The following SPATA6 variants were observed in gnomAD, a reference collection of about 807,000 sequenced individuals.
SPATA6 encodes the protein spermatogenesis associated 6, also known as spermatogenesis-associated protein 6.
Under a neutral mutation model 65.3 loss-of-function variants are expected in SPATA6, and 56 were observed. That is an observed-to-expected ratio of 0.86 (90% CI 0.69 to 1.07). The LOEUF (loss-of-function observed/expected upper bound fraction) is 1.07, where lower values mean the gene tolerates loss of function less well. SPATA6 is among the 50% of genes least tolerant of loss of function. The pLI is 0.00. For missense variants in SPATA6, 590 were observed against 594.8 expected (o/e 0.99, Z 0.08); for synonymous variants, 199 against 213.2 (o/e 0.93, Z 0.58).
intron 9 of SPATA6, among the ~76,000 whole-genome samples, chr1:48,362,850 A>G (rs1256577490): frequency 2.0e-5 from 3 of 152,140 alleles, no homozygotes; most frequent in Non-Finnish European, 4.4e-5. Flanking sequence ...ATACAAATGT[A>G]ATAGAGAATA....
intron 1 of SPATA6, among the ~76,000 whole-genome samples, chr1:48,464,598 C>T (rs1338315): frequency 0.31 from 47,350 of 152,090 alleles, 9,032 homozygotes; most frequent in Middle Eastern, 0.43. Context: ...GAAAAAAGGG[C>T]TATTGCCTCA....
At chr1:48,337,394 A>G (rs1646089074) in intron 11 of SPATA6, among the ~76,000 whole-genome samples, 2 of 151,992 alleles carry the variant, frequency 1.3e-5, no homozygotes, top group South Asian at 4.1e-4. Context: ...GAATACCCAC[A>G]AGAAATCTAC....
At chr1:48,349,541 T>G (rs1311010447) in intron 11 of SPATA6, among the ~76,000 whole-genome samples, 1 of 151,936 alleles carries the variant, frequency 6.6e-6, no homozygotes, top group Non-Finnish European at 1.5e-5. Context: ...TTAACTCTGA[T>G]GTACATATCT....
intron 9 of SPATA6, among the ~76,000 whole-genome samples, chr1:48,376,853 G>T (rs1040272324): frequency 6.6e-6 from 1 of 152,034 alleles, no homozygotes; most frequent in African/African-American, 2.4e-5. Flanking sequence ...ACTGAATGCT[G>T]TAAGCAATTT....
chr1:48,360,845 A>C (rs1176881147), intron 9 of SPATA6, among the ~76,000 whole-genome samples: 3 of 152,160 alleles, frequency 2.0e-5, no homozygotes, highest in Admixed American at 6.6e-5. Flanking sequence ...TCAGATTCAC[A>C]ATATATTTAG....
rs944550739 is a variant in SPATA6 at position 48,295,829 on chromosome 1, C to T, written c.*2884G>A. ...AATCTTTGGAAATCAGAAAACAACT[C>T]TGCCTGCCTAGGACTTCCTGATCGT... On this transcript the variant is annotated 3_prime_UTR_variant, in exon 13 of 13. Transcript: ENST00000371847. 3 of 152,120 alleles carry T rather than the reference C, an allele frequency of 2.0e-5. No individual in the cohort carries two copies. The highest frequency in any genetic ancestry group is 7.2e-5 in the African/African-American group (3 of 41,442). 9.4% of individuals were successfully genotyped at this position (152,120 alleles called of 1,614,324 possible).
At chr1:48,318,529 A>G (rs1645505844) in intron 11 of SPATA6, among the ~76,000 whole-genome samples, 1 of 152,204 alleles carries the variant, frequency 6.6e-6, no homozygotes, top group Admixed American at 6.5e-5. Context: ...GTAAAATAGC[A>G]TCAAAAATAA....
intron 9 of SPATA6, among the ~76,000 whole-genome samples, chr1:48,381,253 A>T (rs932132809): frequency 1.3e-5 from 2 of 152,104 alleles, no homozygotes; most frequent in South Asian, 2.1e-4. Flanking sequence ...CTATCTATAT[A>T]AGTGTTATAT....
At chr1:48,308,865 C>CTT (rs1247404349) in intron 11 of SPATA6, among the ~76,000 whole-genome samples, 2 of 152,068 alleles carry the variant, frequency 1.3e-5, no homozygotes, top group Non-Finnish European at 2.9e-5. Context: ...TTAAGATTCT[C>CTT]TTTTTGACTC....
At chr1:48,393,630 T>C (rs75765016) in intron 8 of SPATA6, among the ~76,000 whole-genome samples, 1 of 152,124 alleles carries the variant, frequency 6.6e-6, no homozygotes, top group East Asian at 1.9e-4. Context: ...TAAAATATTG[T>C]CTGAATTAGT....
intron 11 of SPATA6, among the ~76,000 whole-genome samples, chr1:48,323,416 C>T (rs537090585): frequency 1.0e-5 from 1 of 97,254 alleles, no homozygotes; most frequent in Admixed American, 1.3e-4. Flanking sequence ...CAGGACCTGT[C>T]GAGGGGTGGG....
chr1:48,366,378 G>A (rs532843374), intron 9 of SPATA6, among the ~76,000 whole-genome samples: 22 of 152,276 alleles, frequency 1.4e-4, no homozygotes, highest in Admixed American at 4.6e-4. Flanking sequence ...GGTAGTACCC[G>A]TTCCTCCTTG....
intron 3 of SPATA6, among the ~76,000 whole-genome samples, chr1:48,443,855 G>A (rs553105490): frequency 6.6e-6 from 1 of 152,088 alleles, no homozygotes; most frequent in African/African-American, 2.4e-5. Flanking sequence ...GTTTCCTCTA[G>A]GATCCAGGCC....
At chr1:48,317,035 G>C (rs932439002) in intron 11 of SPATA6, among the ~76,000 whole-genome samples, 11 of 152,200 alleles carry the variant, frequency 7.2e-5, no homozygotes, top group African/African-American at 2.7e-4. Flanking sequence ...AACAACAGGT[G>C]CTGGAAAGAT....
In SPATA6 at chr1:48,453,035, T is replaced by G; in HGVS notation, c.148A>C (p.Thr50Pro). Residue 50 changes from threonine to proline, a missense_variant, in exon 2 of 13, where the codon ACT (threonine) becomes CCT (proline). By Grantham distance (38) the Thr-to-Pro change is conservative (BLOSUM62 -1). Transcript: ENST00000371847. The stretch of plus-strand genomic sequence containing the variant: ...CTGGCATTGAAGACCAGGGGAAAAG[T>G]GGCTGGGACACATTGTGTCTTTTTG... ...QYKKTQCVPATFPLVFNARMV... is the reference protein window; with the variant it reads ...QYKKTQCVPAPFPLVFNARMV... 6.2e-7 allele frequency: 1 copy of G among 1,613,888 alleles called. No homozygotes were observed. Among genetic ancestry groups the G allele is most frequent in the South Asian group, 1.1e-5 (1 of 91,040 alleles).
At chr1:48,337,684 C>G (rs925560440) in intron 11 of SPATA6, among the ~76,000 whole-genome samples, 1 of 151,710 alleles carries the variant, frequency 6.6e-6, no homozygotes. Context: ...TGACTAAAAG[C>G]AGGTAAATTA....
At chr1:48,289,545 C>A in the SPATA6 span, among the ~76,000 whole-genome samples, 8 of 152,270 alleles carry the variant, frequency 5.3e-5, no homozygotes, top group Non-Finnish European at 8.8e-5. Context: ...TAATAACAAA[C>A]TTCTCCAAGC....
At chr1:48,414,546 C>A (rs924101435) in intron 3 of SPATA6, among the ~76,000 whole-genome samples, 1 of 152,102 alleles carries the variant, frequency 6.6e-6, no homozygotes, top group Admixed American at 6.5e-5. Context: ...ATCTAGCATT[C>A]CACACAGGGG....
the SPATA6 span, among the ~76,000 whole-genome samples, chr1:48,285,538 G>T: frequency 2.1e-4 from 31 of 150,986 alleles, no homozygotes; most frequent in Admixed American, 1.3e-3. Flanking sequence ...TGGCTGCCCA[G>T]TTTTGTGTGT....
Sources: allele counts gnomAD v4.1 joint callset (sites outside exome capture counted in the v4.1 genomes callset), GRCh38; gene constraint gnomAD v4.1.1; transcripts MANE v1.5; gene names NCBI Gene and HGNC (gene_info 2026-07-23, HGNC 2026-07-21).